CSGALNACT1: variants seen among roughly 807,000 people sequenced by gnomAD.
The protein encoded by CSGALNACT1 is chondroitin sulfate N-acetylgalactosaminyltransferase 1, also known as beta4GalNAcT-1.
CSGALNACT1 carries 52 observed loss-of-function variants against 51.0 expected under a neutral mutation model. The observed-to-expected ratio is 1.02, with a 90% CI of 0.82 to 1.29. The LOEUF is 1.29. Among genes scored for constraint, CSGALNACT1 ranks in the 50% most tolerant of loss-of-function variants. The pLI is 0.00. For synonymous variants in CSGALNACT1, 341 were observed against 254.4 expected, an observed-to-expected ratio of 1.34 and a Z score of -3.24; for missense variants, 935 against 679.2, an observed-to-expected ratio of 1.38 and a Z score of -4.19.
At chr8:19,505,715 C>A in exon 4 of CSGALNACT1, 2 of 1,614,210 alleles carry the variant, frequency 1.2e-6, no homozygotes, top group Non-Finnish European at 1.7e-6. Context: ...CCAGCTGCTC[C>A]TCGTCACCTT....
intron 4 of CSGALNACT1, among the ~76,000 whole-genome samples, chr8:19,499,826 T>A (rs1046118339): frequency 6.6e-6 from 1 of 152,176 alleles, no homozygotes; most frequent in East Asian, 1.9e-4. Context: ...CTGAGACACA[T>A]GAACATTAAT....
At chr8:19,618,646 A>G (rs1231703477) in intron 1 of CSGALNACT1, among the ~76,000 whole-genome samples, 2 of 141,990 alleles carry the variant, frequency 1.4e-5, no homozygotes, top group African/African-American at 5.9e-5. Flanking sequence ...AAAAAAAAAA[A>G]AAAAAAAAAA....
chr8:19,666,803 GAAAGAA>G (rs747190098), intron 1 of CSGALNACT1, among the ~76,000 whole-genome samples: 378 of 21,354 alleles, frequency 0.018, 11 homozygotes, highest in East Asian at 0.064. Flanking sequence ...AAGAAAGAAA[GAAAGAA>G]AGAGAGAGAG....
At chr8:19,513,436 C>CTCTATATATATATATATATA in intron 3 of CSGALNACT1, among the ~76,000 whole-genome samples, 91 of 81,900 alleles carry the variant, frequency 1.1e-3, no homozygotes, top group Admixed American at 1.2e-3. Context: ...CTCTCTCTCT[C>CTCTATATATATATATATATA]TATATATATA....
At chr8:19,530,276 G>A (rs1206586957) in intron 3 of CSGALNACT1, among the ~76,000 whole-genome samples, 2 of 151,372 alleles carry the variant, frequency 1.3e-5, no homozygotes, top group African/African-American at 2.4e-5. Context: ...TCCATGGTTG[G>A]TTGAATCCAT....
chr8:19,613,638 G>T (rs1477240363), intron 1 of CSGALNACT1, among the ~76,000 whole-genome samples: 1 of 152,126 alleles, frequency 6.6e-6, no homozygotes, highest in Non-Finnish European at 1.5e-5. Flanking sequence ...GTTCCTACTG[G>T]AGCTCTTTCC....
At chr8:19,731,816 C>G (rs182706992) in intron 1 of CSGALNACT1, among the ~76,000 whole-genome samples, 1 of 152,178 alleles carries the variant, frequency 6.6e-6, no homozygotes, top group Non-Finnish European at 1.5e-5. Context: ...TTGCCAGCAT[C>G]CTCTATAATT....
At chr8:19,665,227 C>G (rs111599422) in intron 1 of CSGALNACT1, among the ~76,000 whole-genome samples, 1 of 152,004 alleles carries the variant, frequency 6.6e-6, no homozygotes, top group Non-Finnish European at 1.5e-5. Flanking sequence ...TAAATTTATA[C>G]AAAATCAAAG....
upstream of CSGALNACT1, among the ~76,000 whole-genome samples, chr8:19,604,562 G>C (rs2051081422): frequency 6.6e-6 from 1 of 152,056 alleles, no homozygotes; most frequent in Non-Finnish European, 1.5e-5. Flanking sequence ...TGTTGACTTT[G>C]CAACACACCT....
chr8:19,666,875 AAGAAAGAAAG>A (rs1400955235), intron 1 of CSGALNACT1, among the ~76,000 whole-genome samples: 4 of 126,396 alleles, frequency 3.2e-5, no homozygotes, highest in South Asian at 5.3e-4. Flanking sequence ...GAAAGAAAGA[AAGAAAGAAAG>A]AGAGAGAGGA....
In CSGALNACT1 at chr8:19,619,180, G is replaced by C. The variant is rs538333793; in HGVS notation, c.-543-17315C>G. Reference sequence around the variant, plus strand: ...ACTACTCAGACTCAAATCTGAGTCAGGAAGGGCAGGTAGGAGTGCAGGTGA... The same window carrying C: ...ACTACTCAGACTCAAATCTGAGTCACGAAGGGCAGGTAGGAGTGCAGGTGA... On this transcript the variant is annotated intron_variant, in intron 1 of 9. Coordinates refer to the CSGALNACT1 transcript ENST00000332246. 1.4e-3 allele frequency among the ~76,000 whole-genome samples: 213 copies of C among 150,516 alleles called. 1 individual carries two copies. Among genetic ancestry groups the C allele is most frequent in the African/African-American group, 5.0e-3 (204 of 40,998 alleles).
chr8:19,636,016 C>G (rs930453060), intron 1 of CSGALNACT1, among the ~76,000 whole-genome samples: 2 of 152,132 alleles, frequency 1.3e-5, no homozygotes, highest in Non-Finnish European at 2.9e-5. Context: ...AGGCATGAGC[C>G]TGTTCATTCA....
At chr8:19,743,436 A>T (rs1433584492) in intron 1 of CSGALNACT1, among the ~76,000 whole-genome samples, 1 of 152,216 alleles carries the variant, frequency 6.6e-6, no homozygotes, top group Non-Finnish European at 1.5e-5. Context: ...TCATCTCAAA[A>T]TGATATCAGA....
chr8:19,750,136 G>A (rs988520266), intron 1 of CSGALNACT1, among the ~76,000 whole-genome samples: 1 of 152,176 alleles, frequency 6.6e-6, no homozygotes, highest in Non-Finnish European at 1.5e-5. Flanking sequence ...TGAGACCTGA[G>A]TTCTTGACTT....
At chr8:19,471,639 G>A (rs935001468) in intron 4 of CSGALNACT1, among the ~76,000 whole-genome samples, 3 of 152,066 alleles carry the variant, frequency 2.0e-5, no homozygotes, top group East Asian at 1.9e-4. Flanking sequence ...CTCTTCCACC[G>A]GTAACAGAGG....
Position 19,630,050 on chromosome 8 carries a change from G to C in CSGALNACT1, c.-543-28185C>G, listed in dbSNP as rs1415655288. Among the ~76,000 whole-genome samples, 9 of 152,250 alleles carry C rather than the reference G, an allele frequency of 5.9e-5. 1 individual carries two copies. In the South Asian group the frequency reaches 1.9e-3, roughly 32 times the overall value. ...GTGTAGCCCCATGGATGCTATGGCA[G>C]AGCAACGTGGAAAAACTGGGCAGGC... On this transcript the variant is annotated intron_variant, in intron 1 of 9. Transcript: ENST00000332246.
intron 1 of CSGALNACT1, among the ~76,000 whole-genome samples, chr8:19,612,140 C>T (rs572771764): frequency 5.3e-5 from 8 of 152,110 alleles, no homozygotes; most frequent in African/African-American, 1.4e-4. Flanking sequence ...GCCAGGAGCT[C>T]GAGACCTGCC....
chr8:19,650,221 G>C (rs180911818), intron 1 of CSGALNACT1, among the ~76,000 whole-genome samples: 9 of 152,236 alleles, frequency 5.9e-5, no homozygotes, highest in Non-Finnish European at 8.8e-5. Flanking sequence ...AGTATAATCT[G>C]ATCAATGAGG....
Position 19,674,009 on chromosome 8 carries a change from G to A in CSGALNACT1, c.-544+8464C>T, listed in dbSNP as rs144761415. On this transcript the variant is annotated intron_variant, in intron 1 of 9. Transcript: ENST00000332246. ...AGAGATATCTAAGAAGTCAGATCTG[G>A]TTGGGAAGTGGCTCACACCTGTCAT... 1.4e-3 allele frequency among the ~76,000 whole-genome samples: 211 copies of A among 152,300 alleles called. 1 individual carries two copies. Among genetic ancestry groups the A allele is most frequent in the African/African-American group, 4.6e-3 (190 of 41,572 alleles).
Sources: allele counts gnomAD v4.1 joint callset (sites outside exome capture counted in the v4.1 genomes callset), GRCh38; gene constraint gnomAD v4.1.1; transcripts MANE v1.5; gene names NCBI Gene and HGNC (gene_info 2026-07-23, HGNC 2026-07-21).